The following BBS9 variants were observed in gnomAD, a reference collection of about 807,000 sequenced individuals.
BBS9 encodes Bardet-Biedl syndrome 9, also known as protein PTHB1.
BBS9 carries 89 observed loss-of-function variants against 117.7 expected under a neutral mutation model. The ratio of observed to expected loss-of-function variants is 0.76; its 90% confidence interval spans 0.64 to 0.90. The LOEUF (loss-of-function observed/expected upper bound fraction) is 0.90, where lower values mean the gene tolerates loss of function less well. Among genes scored for constraint, BBS9 ranks in the 40% least tolerant of loss-of-function variants. The probability of loss-of-function intolerance (pLI) is 0.00; values close to 1 mark genes in which losing one functional copy is unlikely to be tolerated. For synonymous variants in BBS9, 379 were observed against 370.9 expected, an observed-to-expected ratio of 1.02 and a Z score of -0.25; for missense variants, 982 against 1,042.2, an observed-to-expected ratio of 0.94 and a Z score of 0.80.
At chr7:33,505,036 A>G (rs1022001878) in intron 19 of BBS9, among the ~76,000 whole-genome samples, 52 of 152,336 alleles carry the variant, frequency 3.4e-4, no homozygotes, top group African/African-American at 1.1e-3. Flanking sequence ...TTCTGAAAAA[A>G]GTGTAATGAA....
At chr7:33,197,248 T>C (rs1785096183) in intron 5 of BBS9, among the ~76,000 whole-genome samples, 1 of 152,140 alleles carries the variant, frequency 6.6e-6, no homozygotes, top group African/African-American at 2.4e-5. Flanking sequence ...TTTTGATCCA[T>C]ATATATAGTT....
intron 9 of BBS9, among the ~76,000 whole-genome samples, chr7:33,294,739 A>C (rs986829216): frequency 6.6e-6 from 1 of 152,224 alleles, no homozygotes; most frequent in Non-Finnish European, 1.5e-5. Flanking sequence ...TATATTCATG[A>C]AGCCAAATTT....
At chr7:33,366,547 T>C (rs1207297087) in intron 16 of BBS9, among the ~76,000 whole-genome samples, 24 of 135,814 alleles carry the variant, frequency 1.8e-4, no homozygotes, top group South Asian at 1.3e-3. Flanking sequence ...TTCTTTCTTT[T>C]TTTTTTTTTT....
chr7:33,156,227 T>G (rs1039683390), intron 4 of BBS9, among the ~76,000 whole-genome samples: 6 of 152,226 alleles, frequency 3.9e-5, no homozygotes, highest in African/African-American at 1.4e-4. Context: ...TTGGTTTTTA[T>G]TAAAATTATA....
rs190428438 is a variant in BBS9, at chr7:33,472,231, G to A, written c.2116-33232G>A. 4.6e-5 allele frequency among the ~76,000 whole-genome samples: 7 copies of A among 152,334 alleles called. No individual in the cohort carries two copies. The East Asian group carries it at 1.3e-3, about 29-fold the overall frequency. ...GGCATATCTAAAGCACTGTGAAGAT[G>A]TCCAGGTAAGTTTATTAAGTTCTGA... On this transcript the variant is annotated intron_variant, in intron 19 of 22. Transcript: ENST00000242067.
intron 9 of BBS9, among the ~76,000 whole-genome samples, chr7:33,291,586 A>G (rs560267266): frequency 4.6e-5 from 7 of 152,328 alleles, no homozygotes; most frequent in South Asian, 4.1e-4. Context: ...CGTTTAGAAT[A>G]TTAAAATGGA....
intron 19 of BBS9, among the ~76,000 whole-genome samples, chr7:33,389,662 C>T (rs1229787293): frequency 7.3e-6 from 1 of 136,414 alleles, no homozygotes; most frequent in Non-Finnish European, 1.5e-5. Flanking sequence ...GCACTCCAGC[C>T]TGGGTGACAG....
chr7:33,382,707 TA>T (rs141784099), intron 17 of BBS9, among the ~76,000 whole-genome samples: 4,217 of 152,264 alleles, frequency 0.028, 192 homozygotes, highest in African/African-American at 0.091. Flanking sequence ...TGTTAGGGTT[TA>T]AATGAGAAAG....
At chr7:33,364,978 C>T (rs1244301542) in intron 16 of BBS9, among the ~76,000 whole-genome samples, 4 of 151,886 alleles carry the variant, frequency 2.6e-5, no homozygotes, top group African/African-American at 9.7e-5. Context: ...ATGTGCCTGC[C>T]TCGGCCTCCC....
intron 6 of BBS9, among the ~76,000 whole-genome samples, chr7:33,258,596 T>G (rs1176515525): frequency 6.6e-6 from 1 of 152,192 alleles, no homozygotes; most frequent in Non-Finnish European, 1.5e-5. Context: ...TAAAATATTA[T>G]ATTTATTTGG....
intron 5 of BBS9, among the ~76,000 whole-genome samples, chr7:33,219,855 G>A (rs1197234885): frequency 6.6e-6 from 1 of 152,032 alleles, no homozygotes; most frequent in Non-Finnish European, 1.5e-5. Flanking sequence ...TTGTTCTTTC[G>A]CTCTTTGCAA....
chr7:33,257,910 T>C (rs1296435234), intron 6 of BBS9, among the ~76,000 whole-genome samples: 2 of 152,224 alleles, frequency 1.3e-5, no homozygotes, highest in Non-Finnish European at 2.9e-5. Context: ...TTAATATGAA[T>C]GTCAATACTT....
intron 5 of BBS9, among the ~76,000 whole-genome samples, chr7:33,239,002 T>C (rs1430208638): frequency 6.6e-6 from 1 of 152,142 alleles, no homozygotes; most frequent in Non-Finnish European, 1.5e-5. Context: ...TAGAATCAAA[T>C]CCCAGGACTG....
At chr7:33,343,854 C>A (rs778209791) in intron 11 of BBS9, among the ~76,000 whole-genome samples, 10,295 of 151,966 alleles carry the variant, frequency 0.068, 388 homozygotes, top group African/African-American at 0.08. Flanking sequence ...AGCTGCATGT[C>A]TTAGATACAT....
chr7:33,600,649 CATCCAGGGAGGCTT>C (rs1009980598), intron 21 of BBS9, among the ~76,000 whole-genome samples: 4 of 152,190 alleles, frequency 2.6e-5, no homozygotes, highest in Admixed American at 2.6e-4. Context: ...CACCCCACTG[CATCCAGGGAGGCTT>C]ATACATGGGG....
downstream of BBS9, among the ~76,000 whole-genome samples, chr7:33,607,672 G>C (rs779567239): frequency 2.0e-5 from 3 of 151,396 alleles, no homozygotes; most frequent in Non-Finnish European, 2.9e-5. Flanking sequence ...ATTTCATTTT[G>C]TATACAGTGA....
At chr7:33,559,799 C>T (rs1292888643) in intron 21 of BBS9, among the ~76,000 whole-genome samples, 1 of 152,084 alleles carries the variant, frequency 6.6e-6, no homozygotes, top group Non-Finnish European at 1.5e-5. Flanking sequence ...GTGTCTCCAG[C>T]CCCTTCATTC....
At chr7:33,389,712 A>G (rs1826710968) in intron 19 of BBS9, among the ~76,000 whole-genome samples, 2 of 131,280 alleles carry the variant, frequency 1.5e-5, no homozygotes, top group Non-Finnish European at 3.4e-5. Context: ...AAAAAAAAAA[A>G]AAATTCATGG....
At chr7:33,542,304 C>T (rs1390822185) in intron 21 of BBS9, among the ~76,000 whole-genome samples, 5 of 151,988 alleles carry the variant, frequency 3.3e-5, no homozygotes, top group African/African-American at 7.3e-5. Context: ...AGGCTGGTCT[C>T]GAACTCCTGA....
Sources: allele counts gnomAD v4.1 joint callset (sites outside exome capture counted in the v4.1 genomes callset), GRCh38; gene constraint gnomAD v4.1.1; transcripts MANE v1.5; gene names NCBI Gene and HGNC (gene_info 2026-07-23, HGNC 2026-07-21).